Variants in PPEF2 observed in about 807,000 individuals in gnomAD.
PPEF2 encodes the protein protein phosphatase with EF-hand domain 2, also known as serine/threonine-protein phosphatase with EF-hands 2.
PPEF2 carries 84 observed loss-of-function variants against 84.7 expected under a neutral mutation model. The observed-to-expected ratio is 0.99, with a 90% CI of 0.83 to 1.19. PPEF2 has a LOEUF of 1.19. Among genes scored for constraint, PPEF2 ranks in the 50% most tolerant of loss-of-function variants. The pLI, the probability that PPEF2 is intolerant of heterozygous loss-of-function variation, is 0.00. For missense variants in PPEF2, 924 were observed against 937.5 expected (o/e 0.99, Z 0.19); for synonymous variants, 346 against 345.2 (o/e 1.00, Z -0.03).
Position 75,883,066 on chromosome 4 carries a change from TC to T in PPEF2, c.792del (p.Lys265ArgfsTer4). The T allele has an allele frequency of 6.2e-7, 1 of 1,613,936 alleles. No individual in the cohort carries two copies. The highest frequency in any genetic ancestry group is 8.5e-7 in the Non-Finnish European group (1 of 1,179,888). ...TCTTGCAGGGTTCTTAGTATTTCCTTCCCGTGTACCTGGAAAAAATGATATA... is the reference window on the plus strand; with the variant it reads ...TCTTGCAGGGTTCTTAGTATTTCCTTCCGTGTACCTGGAAAAAATGATATA... ...KEVMNKYKVH[G>X]KEILRTLQDV... On this transcript the variant is annotated frameshift_variant, in exon 10 of 17. Transcript: ENST00000286719. LOFTEE classifies it high-confidence loss of function.
chr4:75,882,794 C>T, intron 10 of PPEF2, 132 bp downstream of exon 10: 1 of 980,166 alleles, frequency 1.0e-6, no homozygotes, highest in Non-Finnish European at 1.5e-6. Flanking sequence ...TGCCCAGCCT[C>T]CATACTCTTA....
Position 75,866,356 on chromosome 4 carries a change from C to G in PPEF2, c.1757-4G>C. On this transcript the variant is annotated splice_region_variant and splice_polypyrimidine_tract_variant and intron_variant, in intron 14 of 16. Coordinates refer to ENST00000286719, the MANE Select transcript of PPEF2 (RefSeq NM_006239.3). ...CAGTCACTCAAGGTGATTAAACCTA[C>G]AGGTGAGAGCTAACCTGTTGCCTTG... 2 of 1,612,008 alleles carry G rather than the reference C, an allele frequency of 1.2e-6. No homozygotes were observed. Among genetic ancestry groups the G allele is most frequent in the Non-Finnish European group, 1.7e-6 (2 of 1,178,836 alleles).
In PPEF2 at chr4:75,882,932, CCTCT is replaced by C. The variant is rs750185536; in HGVS notation, c.923_926del (p.Glu308GlyfsTer4). 2.8e-5 allele frequency: 45 copies of C among 1,610,306 alleles called. No homozygotes were observed. The highest frequency in any genetic ancestry group is 3.6e-5 in the Non-Finnish European group (43 of 1,178,628). On this transcript the variant is annotated frameshift_variant, in exon 10 of 17. Transcript: ENST00000286719. LOFTEE classifies it high-confidence loss of function. ...TTATTTCATTAACCACTACCTTGCT[CCTCT>C]CTATTTTGTCCAAAAGCTCCAGATC...
chr4:75,871,987 A>ATTTTTTTTTTTT, intron 13 of PPEF2, 38 bp downstream of exon 13: 1 of 1,515,308 alleles, frequency 6.6e-7, no homozygotes, highest in Non-Finnish European at 8.9e-7. Flanking sequence ...GAACACTATA[A>ATTTTTTTTTTTT]TTTTTTTTTC....
chr4:75,864,651 C>T (rs1724086862), intron 15 of PPEF2, 124 bp from the exon 16 acceptor site: 1 of 704,158 alleles, frequency 1.4e-6, no homozygotes, highest in African/African-American at 1.8e-5. Context: ...TTTTGCCATC[C>T]CTCCATTCCC....
intron 8 of PPEF2, among the ~76,000 whole-genome samples, chr4:75,884,106 G>A (rs2031724410): frequency 6.6e-6 from 1 of 151,748 alleles, no homozygotes; most frequent in South Asian, 2.1e-4. Context: ...GCACAGCCTG[G>A]GCAACAAGAG....
In PPEF2 at chr4:75,860,510, A is replaced by G. The variant is rs1723969138; in HGVS notation, c.*157T>C. On this transcript the variant is annotated 3_prime_UTR_variant, in exon 17 of 17. Coordinates refer to ENST00000286719, the MANE Select transcript of PPEF2 (RefSeq NM_006239.3). ...AAAACACATACATACACAACACCCC[A>G]ACCCACCCCTCCACACTGAAATACA... 1 of 964,380 alleles carries G rather than the reference A, an allele frequency of 1.0e-6. No individual in the cohort carries two copies. 59.7% of individuals were successfully genotyped at this position (964,380 alleles called of 1,614,324 possible).
chr4:75,863,182 T>C (rs1056674956), intron 16 of PPEF2, among the ~76,000 whole-genome samples: 5 of 151,846 alleles, frequency 3.3e-5, no homozygotes, highest in Non-Finnish European at 5.9e-5. Context: ...GGTATGAGAT[T>C]TCTTTCTGGG....
intron 2 of PPEF2, among the ~76,000 whole-genome samples, chr4:75,895,127 A>ATT (rs34515110): frequency 0.016 from 2,087 of 129,240 alleles, 75 homozygotes; most frequent in African/African-American, 0.056. Context: ...CAGCTAATTA[A>ATT]TTTTTTTTTT....
At chr4:75,898,711 T>C (rs1578018839) in intron 1 of PPEF2, among the ~76,000 whole-genome samples, 1 of 152,246 alleles carries the variant, frequency 6.6e-6, no homozygotes. Flanking sequence ...GAATAAACTT[T>C]ATGCCTTATT....
chr4:75,887,010 A>G (rs1724746155), intron 6 of PPEF2, 112 bp from the exon 7 acceptor site: 1 of 521,774 alleles, frequency 1.9e-6, no homozygotes, highest in Non-Finnish European at 3.4e-6. Flanking sequence ...AACCCTACAA[A>G]GTTTTCCATA....
rs563052835 is a variant in PPEF2, at chr4:75,874,541, C to T, written c.1321-1229G>A. 3.9e-5 allele frequency among the ~76,000 whole-genome samples: 6 copies of T among 152,248 alleles called. No homozygotes were observed. In the South Asian group the frequency reaches 1.2e-3, roughly 32 times the overall value. On this transcript the variant is annotated intron_variant, in intron 11 of 16. Transcript: ENST00000286719. The stretch of plus-strand genomic sequence containing the variant: ...CTCGAATTCCTAACCTCAGATGATC[C>T]TCCCACCTCAGCCTCCCAAAGTGCT...
At chr4:75,875,200 C>A (rs964949532) in intron 11 of PPEF2, among the ~76,000 whole-genome samples, 1 of 152,118 alleles carries the variant, frequency 6.6e-6, no homozygotes, top group African/African-American at 2.4e-5. Context: ...CCACTGCGCC[C>A]GGCTGAATTC....
chr4:75,870,763 A>G (rs956501878), intron 13 of PPEF2, among the ~76,000 whole-genome samples: 1 of 152,156 alleles, frequency 6.6e-6, no homozygotes, highest in African/African-American at 2.4e-5. Context: ...CAAAACTGAA[A>G]TTAATAACAA....
At chr4:75,868,995 A>G (rs1357847009) in intron 13 of PPEF2, among the ~76,000 whole-genome samples, 1 of 152,196 alleles carries the variant, frequency 6.6e-6, no homozygotes, top group Non-Finnish European at 1.5e-5. Flanking sequence ...CCTTGGTGAC[A>G]GAGCAAGGCC....
Position 75,861,614 on chromosome 4 carries a change from G to GTTT in PPEF2, c.2009-697_2009-695dup, listed in dbSNP as rs71210216. 7.6e-3 allele frequency among the ~76,000 whole-genome samples: 654 copies of GTTT among 86,120 alleles called. 147 individuals are homozygous for GTTT. The highest frequency in any genetic ancestry group is 9.8e-3 in the Non-Finnish European group (409 of 41,890). 56.5% of individuals were successfully genotyped at this position (86,120 alleles called of 152,430 possible). The stretch of plus-strand genomic sequence containing the variant: ...CTTTGTGATCTTAGGTTATGCAACA[G>GTTT]TTTTTTTTTTTTTGAGAGGGAGTCT... On this transcript the variant is annotated intron_variant, in intron 16 of 16. Transcript: ENST00000286719.
chr4:75,891,560 C>T (rs1020248543), intron 4 of PPEF2, 88 bp downstream of exon 4: 26 of 1,411,258 alleles, frequency 1.8e-5, no homozygotes, highest in African/African-American at 7.2e-5. Flanking sequence ...ACCAGATTCA[C>T]GGTTTCACTC....
At chr4:75,884,554 C>G in intron 8 of PPEF2, 40 bp downstream of exon 8, 1 of 1,512,498 alleles carries the variant, frequency 6.6e-7, no homozygotes. Context: ...ACAATTACAA[C>G]AAACAAACAT....
At chr4:75,864,080 C>T (rs1453698380) in intron 16 of PPEF2, among the ~76,000 whole-genome samples, 1 of 151,898 alleles carries the variant, frequency 6.6e-6, no homozygotes, top group Non-Finnish European at 1.5e-5. Context: ...TTCATGTTGG[C>T]CAGACTGGTC....
Sources: allele counts gnomAD v4.1 joint callset (sites outside exome capture counted in the v4.1 genomes callset), GRCh38; gene constraint gnomAD v4.1.1; transcripts MANE v1.5; gene names NCBI Gene and HGNC (gene_info 2026-07-23, HGNC 2026-07-21).